NLN: variants seen among roughly 807,000 people sequenced by gnomAD.
NLN encodes neurolysin, also known as neurolysin, mitochondrial.
NLN carries 64 observed loss-of-function variants against 79.9 expected under a neutral mutation model. The ratio of observed to expected loss-of-function variants is 0.80; its 90% CI spans 0.65 to 0.99. NLN has a LOEUF of 0.99. Among genes scored for constraint, NLN ranks in the 50% least tolerant of loss-of-function variants. The pLI is 0.00. For synonymous variants in NLN, 267 were observed against 296.6 expected (o/e 0.90, Z 1.02); for missense variants, 835 against 858.7 (o/e 0.97, Z 0.34).
chr5:65,776,023 C>T (rs1759672231), intron 3 of NLN, among the ~76,000 whole-genome samples: 1 of 152,182 alleles, frequency 6.6e-6, no homozygotes, highest in Non-Finnish European at 1.5e-5. Context: ...GAGGCCGAGG[C>T]AGGTGGATCA....
chr5:65,759,386 GTGTGTGTGTGTGTC>G (rs1759292531), intron 2 of NLN, among the ~76,000 whole-genome samples: 1 of 108,754 alleles, frequency 9.2e-6, no homozygotes, highest in Admixed American at 8.4e-5. Flanking sequence ...AACCTATAGG[GTGTGTGTGTGTGTC>G]TGTGTGTGTG....
At chr5:65,730,617 C>G (rs1287803691) in intron 1 of NLN, among the ~76,000 whole-genome samples, 1 of 150,688 alleles carries the variant, frequency 6.6e-6, no homozygotes, top group Non-Finnish European at 1.5e-5. Flanking sequence ...AGTGCAATGG[C>G]GCAATCTCAG....
At chr5:65,799,987 G>A (rs910522475) in intron 9 of NLN, among the ~76,000 whole-genome samples, 5 of 152,182 alleles carry the variant, frequency 3.3e-5, no homozygotes, top group African/African-American at 4.8e-5. Context: ...AGATTAGACA[G>A]GCCAGGATGT....
At chr5:65,796,939 T>C (rs1020523686) in intron 9 of NLN, among the ~76,000 whole-genome samples, 2 of 152,228 alleles carry the variant, frequency 1.3e-5, no homozygotes, top group Admixed American at 6.5e-5. Context: ...AAGGGCTCGT[T>C]TGAGCTTGTC....
intron 1 of NLN, among the ~76,000 whole-genome samples, chr5:65,727,816 G>A (rs1229425399): frequency 6.6e-6 from 1 of 152,144 alleles, no homozygotes; most frequent in East Asian, 1.9e-4. Flanking sequence ...GCCCAGGCTG[G>A]AATACAGTGG....
intron 8 of NLN, among the ~76,000 whole-genome samples, chr5:65,791,384 C>G (rs1760054506): frequency 6.6e-6 from 1 of 152,132 alleles, no homozygotes; most frequent in Admixed American, 6.5e-5. Context: ...GTGGGAAAAC[C>G]CCATCTCTAC....
At chr5:65,738,668 A>G (rs1182934745) in intron 1 of NLN, among the ~76,000 whole-genome samples, 1 of 151,918 alleles carries the variant, frequency 6.6e-6, no homozygotes, top group Non-Finnish European at 1.5e-5. Flanking sequence ...TATTCTTCCT[A>G]TCTAAGTGAA....
chr5:65,799,686 C>G (rs533800038), intron 9 of NLN, among the ~76,000 whole-genome samples: 85 of 152,274 alleles, frequency 5.6e-4, no homozygotes, highest in Middle Eastern at 3.4e-3. Flanking sequence ...AGCCTGTGAA[C>G]TTAATATGCA....
chr5:65,814,414 T>G (rs1760622891), intron 12 of NLN, among the ~76,000 whole-genome samples: 1 of 152,166 alleles, frequency 6.6e-6, no homozygotes, highest in African/African-American at 2.4e-5. Context: ...ACAAATTTAT[T>G]CGTTCTATTT....
chr5:65,783,514 T>C (rs544268773), intron 6 of NLN, among the ~76,000 whole-genome samples: 2 of 152,234 alleles, frequency 1.3e-5, no homozygotes, highest in East Asian at 3.9e-4. Flanking sequence ...TGGCCACAGC[T>C]GGCTTTGAGG....
intron 1 of NLN, among the ~76,000 whole-genome samples, chr5:65,748,695 A>G (rs115282605): frequency 0.012 from 1,845 of 151,966 alleles, 20 homozygotes; most frequent in Non-Finnish European, 0.019. Flanking sequence ...TGAGGCTGCA[A>G]TGAGTTATAA....
chr5:65,773,814 G>T (rs1759621275), intron 3 of NLN, among the ~76,000 whole-genome samples: 1 of 152,040 alleles, frequency 6.6e-6, no homozygotes, highest in Non-Finnish European at 1.5e-5. Context: ...GTGGTGGCAT[G>T]TGCCTGTAAT....
rs548397696 is a variant in NLN, at chr5:65,731,859, TC to T, written c.41+9448del. On this transcript the variant is annotated intron_variant, in intron 1 of 12. Transcript: ENST00000380985. ...TCTGCCTCCCAGTCTCAAGCAGTCC[TC>T]CCACGTCAGCCTTCCAAGTAGTTGG... is the stretch of plus-strand genomic sequence containing the variant. Among the ~76,000 whole-genome samples, 26 of 144,708 alleles carry T rather than the reference TC, an allele frequency of 1.8e-4. No homozygotes were observed. In the South Asian group the frequency reaches 5.9e-3, roughly 33 times the overall value. The allele number at this position is 144,708 out of a possible 152,430, so 94.9% of individuals were successfully genotyped here. A position where few individuals can be genotyped will look rare whatever the true frequency, so the allele number is the denominator to read the frequency against.
chr5:65,782,393 T>A (rs1759820478), intron 6 of NLN, among the ~76,000 whole-genome samples: 1 of 152,146 alleles, frequency 6.6e-6, no homozygotes, highest in Admixed American at 6.5e-5. Flanking sequence ...AAAATGTAGG[T>A]TTGTTGTCTG....
chr5:65,739,641 C>A (rs1051589223), intron 1 of NLN, among the ~76,000 whole-genome samples: 6 of 152,150 alleles, frequency 3.9e-5, no homozygotes, highest in African/African-American at 1.4e-4. Flanking sequence ...ACAGTGTGTG[C>A]GGGTTCCCTT....
chr5:65,753,504 G>C (rs985355702), intron 1 of NLN, among the ~76,000 whole-genome samples: 1 of 152,058 alleles, frequency 6.6e-6, no homozygotes, highest in African/African-American at 2.4e-5. Flanking sequence ...CAGAAAACTA[G>C]TCAGGCATGG....
chr5:65,815,622 G>A (rs1463343052), intron 12 of NLN, among the ~76,000 whole-genome samples: 2 of 152,098 alleles, frequency 1.3e-5, no homozygotes, highest in Non-Finnish European at 2.9e-5. Flanking sequence ...TGCTGTCACA[G>A]CAATAATGGA....
intron 6 of NLN, among the ~76,000 whole-genome samples, 162 bp from the exon 7 acceptor site, chr5:65,785,613 A>C (rs976352476): frequency 5.3e-5 from 8 of 151,868 alleles, no homozygotes; most frequent in Non-Finnish European, 1.0e-4. Context: ...TCCAAAAAAA[A>C]AAAAAAAAGC....
At chr5:65,748,822 T>C (rs1368891239) in intron 1 of NLN, among the ~76,000 whole-genome samples, 1 of 152,006 alleles carries the variant, frequency 6.6e-6, no homozygotes, top group Non-Finnish European at 1.5e-5. Flanking sequence ...ATCCTTAGAG[T>C]CTCCCTGGGA....
Sources: allele counts gnomAD v4.1 joint callset (sites outside exome capture counted in the v4.1 genomes callset), GRCh38; gene constraint gnomAD v4.1.1; transcripts MANE v1.5; gene names NCBI Gene and HGNC (gene_info 2026-07-23, HGNC 2026-07-21).